The following PPP2R5E variants were observed in gnomAD, a reference collection of about 807,000 sequenced individuals.
The protein encoded by PPP2R5E is protein phosphatase 2 regulatory subunit B'epsilon, also known as serine/threonine-protein phosphatase 2A 56 kDa regulatory subunit epsilon isoform.
Under a neutral mutation model 65.3 loss-of-function variants are expected in PPP2R5E, and 4 were observed. The observed-to-expected ratio is 0.06, with a 90% CI of 0.03 to 0.14. PPP2R5E has a LOEUF of 0.14. Among genes scored for constraint, PPP2R5E ranks in the 10% least tolerant of loss-of-function variants. The pLI, the probability that PPP2R5E is intolerant of heterozygous loss-of-function variation, is 1.00. For synonymous variants in PPP2R5E, 183 were observed against 187.4 expected, an observed-to-expected ratio of 0.98 and a Z score of 0.19; for missense variants, 274 against 556.1, an observed-to-expected ratio of 0.49 and a Z score of 5.10.
chr14:63,537,795 A>T (rs1017910111), intron 2 of PPP2R5E, among the ~76,000 whole-genome samples: 1 of 152,168 alleles, frequency 6.6e-6, no homozygotes, highest in African/African-American at 2.4e-5. Context: ...TGTTGTTCAT[A>T]TCCCCTTTCT....
At chr14:63,399,239 T>C (rs1370405878) in intron 5 of PPP2R5E, among the ~76,000 whole-genome samples, 1 of 151,948 alleles carries the variant, frequency 6.6e-6, no homozygotes, top group East Asian at 1.9e-4. Context: ...GCTAAGTAAG[T>C]AAAAGAAACC....
chr14:63,462,871 G>A (rs2139516341), intron 2 of PPP2R5E, among the ~76,000 whole-genome samples: 1 of 152,100 alleles, frequency 6.6e-6, no homozygotes, highest in Admixed American at 6.5e-5. Flanking sequence ...GGGAGGCCGA[G>A]GTGGGCAGAT....
chr14:63,422,949 T>C (rs897853877), intron 3 of PPP2R5E, among the ~76,000 whole-genome samples: 3 of 152,186 alleles, frequency 2.0e-5, no homozygotes, highest in African/African-American at 4.8e-5. Flanking sequence ...TAAACCTCTA[T>C]AAACTAGGCA....
chr14:63,382,181 G>C (rs757761194), intron 12 of PPP2R5E, 24 bp from the exon 13 acceptor site: 2 of 1,579,044 alleles, frequency 1.3e-6, no homozygotes, highest in Admixed American at 1.7e-5. Context: ...AAAAAAAGGA[G>C]TGTGTTAGTT....
intron 2 of PPP2R5E, among the ~76,000 whole-genome samples, chr14:63,459,201 C>T (rs1889320741): frequency 6.6e-6 from 1 of 152,138 alleles, no homozygotes; most frequent in African/African-American, 2.4e-5. Context: ...CAGATTGAGC[C>T]GTGATAGACT....
At chr14:63,450,205 C>T (rs1379149022) in intron 3 of PPP2R5E, among the ~76,000 whole-genome samples, 5 of 152,120 alleles carry the variant, frequency 3.3e-5, no homozygotes, top group African/African-American at 4.8e-5. Flanking sequence ...ATCATAATAT[C>T]CCCTTTCTGT....
chr14:63,488,817 C>A (rs1029217102), intron 2 of PPP2R5E, among the ~76,000 whole-genome samples: 6 of 151,644 alleles, frequency 4.0e-5, no homozygotes, highest in Non-Finnish European at 7.4e-5. Flanking sequence ...CCACTGTACT[C>A]CAGACTGGGC....
chr14:63,422,855 AC>A, intron 3 of PPP2R5E, among the ~76,000 whole-genome samples: 2 of 152,114 alleles, frequency 1.3e-5, no homozygotes, highest in East Asian at 3.9e-4. Flanking sequence ...TTTTCTAATA[AC>A]CTTAAAAATA....
At chr14:63,462,389 A>C (rs1015430529) in intron 2 of PPP2R5E, among the ~76,000 whole-genome samples, 4 of 152,236 alleles carry the variant, frequency 2.6e-5, no homozygotes, top group Middle Eastern at 6.8e-3. Flanking sequence ...AGATCATCAT[A>C]AAAGCTGAGA....
At chr14:63,498,256 AAATTCT>A (rs1361990485) in intron 2 of PPP2R5E, among the ~76,000 whole-genome samples, 3 of 152,248 alleles carry the variant, frequency 2.0e-5, no homozygotes, top group African/African-American at 4.8e-5. Flanking sequence ...AAGATTGCTT[AAATTCT>A]CTAAGTTCTA....
intron 3 of PPP2R5E, among the ~76,000 whole-genome samples, chr14:63,429,125 T>C (rs1397599812): frequency 6.6e-6 from 1 of 152,214 alleles, no homozygotes; most frequent in African/African-American, 2.4e-5. Context: ...GCATGTAATG[T>C]GATCAGGGGA....
At chr14:63,427,771 C>T (rs953110368) in intron 3 of PPP2R5E, among the ~76,000 whole-genome samples, 11 of 152,182 alleles carry the variant, frequency 7.2e-5, no homozygotes, top group Admixed American at 3.3e-4. Flanking sequence ...CCTCCACTAA[C>T]GAGCTTTTAG....
intron 2 of PPP2R5E, among the ~76,000 whole-genome samples, chr14:63,485,825 C>CTTTTT (rs770156529): frequency 3.1e-5 from 4 of 130,636 alleles, no homozygotes; most frequent in Admixed American, 7.9e-5. Flanking sequence ...TACTGACAAA[C>CTTTTT]TTTTTTTTTT....
chr14:63,420,576 C>T (rs1238742645), intron 4 of PPP2R5E, among the ~76,000 whole-genome samples: 1 of 152,112 alleles, frequency 6.6e-6, no homozygotes, highest in African/African-American at 2.4e-5. Context: ...AAACAGAGCC[C>T]CCAAAAGCTC....
At chr14:63,415,092 A>C in intron 5 of PPP2R5E, 48 bp downstream of exon 5, 1 of 1,341,868 alleles carries the variant, frequency 7.5e-7, no homozygotes, top group Non-Finnish European at 1.1e-6. Context: ...AAATGAGATA[A>C]AGTGTTAACT....
intron 3 of PPP2R5E, among the ~76,000 whole-genome samples, chr14:63,450,808 C>G (rs562513391): frequency 6.6e-6 from 1 of 150,750 alleles, no homozygotes; most frequent in South Asian, 2.1e-4. Context: ...GAACAAATTC[C>G]CAAAATGGTG....
intron 5 of PPP2R5E, among the ~76,000 whole-genome samples, chr14:63,411,658 TAAAAAAAA>T (rs766263301): frequency 1.1e-5 from 1 of 93,120 alleles, no homozygotes; most frequent in African/African-American, 4.3e-5. Flanking sequence ...TGTGGTTGTT[TAAAAAAAA>T]AAAAAAAAAA....
chr14:63,392,121 T>C (rs1204180646), intron 8 of PPP2R5E, 96 bp from the exon 9 acceptor site: 1 of 837,918 alleles, frequency 1.2e-6, no homozygotes, highest in African/African-American at 1.7e-5. Context: ...GTTTCCAGAC[T>C]GCTTTTAATA....
chr14:63,521,921 TAC>T (rs1892921070), intron 2 of PPP2R5E, among the ~76,000 whole-genome samples: 1 of 151,458 alleles, frequency 6.6e-6, no homozygotes, highest in Non-Finnish European at 1.5e-5. Context: ...GAAGTGAAGT[TAC>T]AAAGGTTACA....
Sources: gnomAD v4.1 joint callset for allele counts (sites outside exome capture counted in the v4.1 genomes callset) on GRCh38, gnomAD v4.1.1 for gene constraint, MANE v1.5 for transcripts, NCBI Gene and HGNC (gene_info 2026-07-23, HGNC 2026-07-21) for gene names.